Variants in MAP2 observed in about 807,000 individuals in gnomAD.
The protein encoded by MAP2 is microtubule associated protein 2.
A neutral mutation model predicts 137.6 loss-of-function variants in MAP2; 14 were observed. That is an observed-to-expected ratio of 0.10 (90% confidence interval 0.07 to 0.16). MAP2 has a LOEUF of 0.16. MAP2 is among the 10% of genes least tolerant of loss of function. The pLI is 1.00. For synonymous variants in MAP2, 786 were observed against 782.3 expected, an observed-to-expected ratio of 1.00 and a Z score of -0.08; for missense variants, 2,088 against 2,191.5, an observed-to-expected ratio of 0.95 and a Z score of 0.94.
chr2:209,537,292 C>T (rs1294809293), intron 2 of MAP2, among the ~76,000 whole-genome samples: 2 of 151,880 alleles, frequency 1.3e-5, no homozygotes, highest in Non-Finnish European at 2.9e-5. Flanking sequence ...TTTGAGACCC[C>T]CAAAACTACA....
At chr2:209,542,693 G>T (rs1167288616) in intron 2 of MAP2, among the ~76,000 whole-genome samples, 1 of 152,178 alleles carries the variant, frequency 6.6e-6, no homozygotes, top group East Asian at 1.9e-4. Context: ...TATGAAGATG[G>T]CTTCTTTCCT....
At chr2:209,454,800 G>T (rs1701160925) in intron 1 of MAP2, among the ~76,000 whole-genome samples, 1 of 151,850 alleles carries the variant, frequency 6.6e-6, no homozygotes, top group South Asian at 2.1e-4. Flanking sequence ...TGCACTCATT[G>T]TGTGTGTGTG....
chr2:209,473,905 C>A (rs1706468940), intron 1 of MAP2, among the ~76,000 whole-genome samples: 1 of 152,140 alleles, frequency 6.6e-6, no homozygotes, highest in Admixed American at 6.6e-5. Context: ...CATATTACTT[C>A]TTAAGGTTTC....
chr2:209,468,298 T>G (rs540199666), intron 1 of MAP2, among the ~76,000 whole-genome samples: 2 of 150,920 alleles, frequency 1.3e-5, no homozygotes, highest in East Asian at 3.9e-4. Flanking sequence ...TCATGGAGGA[T>G]TTTTTCAGTT....
Position 209,693,237 on chromosome 2 carries a change from C to G in MAP2, c.1067C>G (p.Thr356Ser). ...QPDDKKSLQQ[T>S]SGPATAKDSF... ...GATGACAAAAAATCTCTGCAACAAA[C>G]CAGTGGCCCAGCTACTGCCAAAGAT... Residue 356 changes from threonine (T) to serine (S), a missense_variant, in exon 8 of 16, where the codon ACC (threonine) becomes AGC (serine). Coordinates refer to ENST00000682079, the MANE Select transcript of MAP2 (RefSeq NM_001375505.1). 6.2e-7 allele frequency: 1 copy of G among 1,614,046 alleles called. No individual in the cohort carries two copies. Among genetic ancestry groups the G allele is most frequent in the Non-Finnish European group, 8.5e-7 (1 of 1,179,990 alleles).
At chr2:209,723,220 C>G (rs1271930417) in intron 13 of MAP2, among the ~76,000 whole-genome samples, 1 of 152,192 alleles carries the variant, frequency 6.6e-6, no homozygotes, top group Non-Finnish European at 1.5e-5. Context: ...CTGTGCTGAA[C>G]AAGATTTAGT....
rs760228567 is a variant in MAP2 at position 209,653,447 on chromosome 2, T to C, written c.262+15T>C. 41 of 1,574,082 alleles carry C rather than the reference T, an allele frequency of 2.6e-5. No homozygotes were observed. In the East Asian group the frequency reaches 9.0e-4, roughly 34 times the overall value. On this transcript the variant is annotated intron_variant, in intron 5 of 15. Transcript: ENST00000682079. ...AGAAACAGCAGGTAACTAAGGGCTC[T>C]ACTGTCACCAAGTGCTTGCTTTGTG...
chr2:209,440,509 A>G lies in MAP2; in HGVS notation c.-222+16233A>G, dbSNP rs1402777918. Among the ~76,000 whole-genome samples, 11 of 151,666 alleles carry G rather than the reference A, an allele frequency of 7.3e-5. No individual in the cohort carries two copies. In the East Asian group the frequency reaches 1.6e-3, roughly 21 times the overall value. On this transcript the variant is annotated intron_variant, in intron 1 of 15. Coordinates refer to ENST00000682079, the MANE Select transcript of MAP2 (RefSeq NM_001375505.1). ...CTCTGGGCCTTAGTTTTCTAATAAA[A>G]TAAGGGGATAAATTTGTCTCCAAGA...
At chr2:209,481,520 C>T (rs1256624274) in intron 1 of MAP2, among the ~76,000 whole-genome samples, 1 of 152,136 alleles carries the variant, frequency 6.6e-6, no homozygotes, top group Admixed American at 6.5e-5. Context: ...ATCAATGTCC[C>T]CAAGAAATGG....
At chr2:209,583,641 T>C (rs1362854154) in intron 3 of MAP2, among the ~76,000 whole-genome samples, 2 of 152,022 alleles carry the variant, frequency 1.3e-5, no homozygotes, top group Admixed American at 1.3e-4. Context: ...TACACAAATA[T>C]GTATTAAGAT....
chr2:209,434,831 CTCTATATA>C (rs1259611262), intron 1 of MAP2, among the ~76,000 whole-genome samples: 2 of 110,444 alleles, frequency 1.8e-5, no homozygotes, highest in Admixed American at 9.0e-5. Context: ...CTCTCTCTCT[CTCTATATA>C]TATATATATG....
intron 2 of MAP2, among the ~76,000 whole-genome samples, chr2:209,528,222 G>A (rs371745590): frequency 4.6e-5 from 7 of 151,710 alleles, no homozygotes; most frequent in African/African-American, 1.7e-4. Context: ...CATGGTATAT[G>A]TATAAATTCA....
chr2:209,653,631 C>T (rs937540799), intron 5 of MAP2, among the ~76,000 whole-genome samples, 199 bp downstream of exon 5: 3 of 152,144 alleles, frequency 2.0e-5, no homozygotes, highest in African/African-American at 7.2e-5. Context: ...ATTCTCAATC[C>T]CATTCCCCTA....
intron 12 of MAP2, among the ~76,000 whole-genome samples, chr2:209,707,423 C>T (rs183801670): frequency 1.0e-3 from 152 of 152,116 alleles, no homozygotes; most frequent in African/African-American, 3.0e-3. Context: ...AGCACTCTGC[C>T]CACTTCTACT....
chr2:209,536,969 G>A lies in MAP2; in HGVS notation c.-172+29328G>A, dbSNP rs763002366. 3.9e-5 allele frequency among the ~76,000 whole-genome samples: 6 copies of A among 152,064 alleles called. No individual in the cohort carries two copies. In the East Asian group the frequency reaches 5.8e-4, roughly 15 times the overall value. ...TACTGTAAGGATAGCTCACAGTGGC[G>A]GGACATGTGTTTTATAGGATTTTTT... On this transcript the variant is annotated intron_variant, in intron 2 of 15. Coordinates refer to ENST00000682079, the MANE Select transcript of MAP2 (RefSeq NM_001375505.1).
chr2:209,470,496 A>G (rs1705399540), intron 1 of MAP2, among the ~76,000 whole-genome samples: 1 of 150,254 alleles, frequency 6.7e-6, no homozygotes, highest in South Asian at 2.1e-4. Flanking sequence ...ATAATTGTAT[A>G]TAATTAAATA....
At chr2:209,427,256 A>G (rs1692806314) in intron 1 of MAP2, among the ~76,000 whole-genome samples, 1 of 152,214 alleles carries the variant, frequency 6.6e-6, no homozygotes, top group African/African-American at 2.4e-5. Context: ...CCCCAGATCA[A>G]TACTATCCTC....
At chr2:209,449,224 A>G (rs182116477) in intron 1 of MAP2, among the ~76,000 whole-genome samples, 1 of 152,320 alleles carries the variant, frequency 6.6e-6, no homozygotes, top group Admixed American at 6.5e-5. Flanking sequence ...CACTGGCTGG[A>G]CCATAGTAGG....
At chr2:209,595,452 G>A (rs1249487738) in intron 3 of MAP2, among the ~76,000 whole-genome samples, 2 of 152,164 alleles carry the variant, frequency 1.3e-5, no homozygotes, top group Non-Finnish European at 2.9e-5. Context: ...AAAAAGTCAG[G>A]AAACAACAGA....
Sources: allele counts gnomAD v4.1 joint callset (sites outside exome capture counted in the v4.1 genomes callset), GRCh38; gene constraint gnomAD v4.1.1; transcripts MANE v1.5; gene names NCBI Gene and HGNC (gene_info 2026-07-23, HGNC 2026-07-21).